LYST: variants seen among roughly 807,000 people sequenced by gnomAD.
LYST encodes the protein lysosomal-trafficking regulator.
Under a neutral mutation model 413.6 loss-of-function variants are expected in LYST, and 192 were observed. The ratio of observed to expected loss-of-function variants is 0.46; its 90% CI spans 0.41 to 0.52. LYST has a LOEUF of 0.52. Among genes scored for constraint, LYST ranks in the 20% least tolerant of loss-of-function variants. The pLI is 0.00. For synonymous variants in LYST, 1,525 were observed against 1,567.3 expected, an observed-to-expected ratio of 0.97 and a Z score of 0.64; for missense variants, 3,815 against 4,499.9, an observed-to-expected ratio of 0.85 and a Z score of 4.35.
At position 235,741,429 on chromosome 1, in the gene LYST, G is replaced by T. The variant is rs565272770; in HGVS notation, c.8351C>A (p.Ser2784Tyr). The change falls in exon 31 of 53, where the codon TCC becomes TAC. Residue 2784 changes from serine (S) to tyrosine (Y), a missense_variant. Physicochemically the swap from Ser to Tyr is moderately radical, Grantham distance 144. Transcript: ENST00000389793. Reference sequence around the variant, plus strand: ...CAAAGCTGAGATACTTACTTGTAGGGATGGGCTGAGACAGTCTCGTAGTAT... The same window carrying T: ...CAAAGCTGAGATACTTACTTGTAGGTATGGGCTGAGACAGTCTCGTAGTAT... ...QEILRDCLSP[S>Y]LQHGAKLVLY... 6.2e-7 allele frequency: 1 copy of T among 1,612,608 alleles called. No homozygotes were observed. Among genetic ancestry groups the T allele is most frequent in the South Asian group, 1.1e-5 (1 of 91,046 alleles).
At chr1:235,815,786 T>C (rs1339845113) in intron 3 of LYST, among the ~76,000 whole-genome samples, 1 of 152,070 alleles carries the variant, frequency 6.6e-6, no homozygotes, top group Non-Finnish European at 1.5e-5. Flanking sequence ...AAATCAGAGA[T>C]GACACAAACA....
chr1:235,727,550 T>A (rs74591349), intron 38 of LYST, among the ~76,000 whole-genome samples: 22 of 152,276 alleles, frequency 1.4e-4, no homozygotes, highest in African/African-American at 5.3e-4. Flanking sequence ...ATTACAGGAA[T>A]CTCAAAAAAT....
chr1:235,804,629 C>A lies in LYST; in HGVS notation c.3430G>T (p.Asp1144Tyr). 6.2e-7 allele frequency: 1 copy of A among 1,608,404 alleles called. No homozygotes were observed. The highest frequency in any genetic ancestry group is 8.5e-7 in the Non-Finnish European group (1 of 1,175,228). The change falls in exon 7 of 53, where the codon GAC (aspartate) becomes TAC (tyrosine). Residue 1144 changes from aspartate to tyrosine, a missense_variant. Asp to Tyr is a radical substitution (Grantham distance 160). Transcript: ENST00000389793. Reference sequence around the variant, plus strand: ...ATCACCTTTGACTGGGAAAGATGGTCCCTCATTTCAAATAATATACTTTCC... The same window carrying A: ...ATCACCTTTGACTGGGAAAGATGGTACCTCATTTCAAATAATATACTTTCC... ...SVESILFEMR[D>Y]HLSQSKVIET...
At chr1:235,794,827 A>AG (rs1671390840) in intron 10 of LYST, among the ~76,000 whole-genome samples, 1 of 152,178 alleles carries the variant, frequency 6.6e-6, no homozygotes, top group Admixed American at 6.5e-5. Flanking sequence ...TAATATGATC[A>AG]GTGTGTGTGC....
chr1:235,739,039 A>G (rs1665088896), intron 31 of LYST: 4 of 657,246 alleles, frequency 6.1e-6, no homozygotes, highest in Non-Finnish European at 1.2e-5. Context: ...ATAGGATTTT[A>G]GTTGGAGGTT....
chr1:235,754,752 G>A (rs1283606935), intron 25 of LYST, among the ~76,000 whole-genome samples: 2 of 152,228 alleles, frequency 1.3e-5, no homozygotes, highest in Middle Eastern at 3.4e-3. Context: ...ATTTCGTTAA[G>A]AGTGAGTTCA....
intron 30 of LYST, 152 bp downstream of exon 30, chr1:235,743,827 T>C (rs748701858): frequency 1.8e-6 from 1 of 557,026 alleles, no homozygotes; most frequent in Non-Finnish European, 3.2e-6. Flanking sequence ...ATATATATTA[T>C]TCTATAATTA....
chr1:235,850,679 T>C (rs762823279), intron 1 of LYST, among the ~76,000 whole-genome samples: 4 of 150,856 alleles, frequency 2.7e-5, no homozygotes, highest in Non-Finnish European at 5.9e-5. Context: ...AACAAATCAG[T>C]AGGAAAAAAA....
At chr1:235,796,046 A>G (rs1671527316) in intron 10 of LYST, among the ~76,000 whole-genome samples, 1 of 152,100 alleles carries the variant, frequency 6.6e-6, no homozygotes, top group Non-Finnish European at 1.5e-5. Flanking sequence ...AAATGTCTCA[A>G]AATGTAGCAC....
chr1:235,866,108 A>C (rs1680470993), intron 1 of LYST, among the ~76,000 whole-genome samples: 1 of 152,198 alleles, frequency 6.6e-6, no homozygotes, highest in African/African-American at 2.4e-5. Context: ...ACCATTAAAC[A>C]ACCCCTTCGT....
intron 48 of LYST, among the ~76,000 whole-genome samples, chr1:235,685,586 C>T (rs979288817): frequency 1.3e-5 from 2 of 152,146 alleles, no homozygotes; most frequent in Non-Finnish European, 2.9e-5. Context: ...GTGGCTCACA[C>T]TTGTAATCCC....
chr1:235,731,539 T>C (rs1664374130), intron 34 of LYST, among the ~76,000 whole-genome samples: 1 of 151,698 alleles, frequency 6.6e-6, no homozygotes, highest in South Asian at 2.1e-4. Context: ...ATTAATTTTT[T>C]ACATTTCCCA....
chr1:235,858,790 A>G (rs565522578), intron 1 of LYST, among the ~76,000 whole-genome samples: 1 of 151,858 alleles, frequency 6.6e-6, no homozygotes, highest in South Asian at 2.1e-4. Flanking sequence ...TGTTTTCTGC[A>G]TTGTTATGGG....
upstream of LYST, among the ~76,000 whole-genome samples, chr1:235,871,194 T>G (rs1680908008): frequency 6.6e-6 from 1 of 152,242 alleles, no homozygotes; most frequent in South Asian, 2.1e-4. Context: ...ATCCATTTCA[T>G]TTTGCAAAAG....
Position 235,809,861 on chromosome 1 carries a change from C to A in LYST, c.957G>T (p.Pro319=). 1 of 1,613,944 alleles carries A rather than the reference C, an allele frequency of 6.2e-7. No homozygotes were observed. Among genetic ancestry groups the A allele is most frequent in the African/African-American group, 1.3e-5 (1 of 75,038 alleles). Residue 319 remains proline, a synonymous_variant, in exon 5 of 53, where the codon CCG becomes CCT. Coordinates refer to ENST00000389793, the MANE Select transcript of LYST (RefSeq NM_000081.4). The surrounding 1 kb of genome is among the most constrained non-coding windows in gnomAD (Gnocchi z 4.0). ...AGAGCATCCTTTGAATCAAAGCCAC[C>A]GGTTCTTCGGTCCAACCTGCAGAAA... ...RVVSAGWTEE[P]VALIQRMLFR... is the part of the protein sequence containing the mutation.
At chr1:235,814,985 C>G (rs1273407300) in intron 3 of LYST, among the ~76,000 whole-genome samples, 1 of 152,166 alleles carries the variant, frequency 6.6e-6, no homozygotes, top group Non-Finnish European at 1.5e-5. Context: ...TTCTGCAATT[C>G]TCCATCCCCA....
intron 48 of LYST, among the ~76,000 whole-genome samples, chr1:235,680,619 A>T (rs1316858280): frequency 6.8e-6 from 1 of 147,110 alleles, no homozygotes; most frequent in East Asian, 2.0e-4. Flanking sequence ...TTTTTTTGAG[A>T]TGAAGTCTTG....
At chr1:235,710,542 C>T (rs746850774) in intron 43 of LYST, among the ~76,000 whole-genome samples, 10 of 152,064 alleles carry the variant, frequency 6.6e-5, no homozygotes, top group Non-Finnish European at 1.3e-4. Flanking sequence ...TACGAGAGTC[C>T]CAGGGGAACA....
intron 19 of LYST, among the ~76,000 whole-genome samples, chr1:235,771,962 G>A (rs1668748544): frequency 1.7e-5 from 2 of 116,550 alleles, no homozygotes; most frequent in Non-Finnish European, 3.3e-5. Flanking sequence ...GGGGGCTCAC[G>A]CCTGTATCCC....
Sources: allele counts gnomAD v4.1 joint callset (sites outside exome capture counted in the v4.1 genomes callset), GRCh38; gene constraint gnomAD v4.1.1; non-coding constraint Gnocchi (gnomAD v3.1); transcripts MANE v1.5; gene names NCBI Gene and HGNC (gene_info 2026-07-23, HGNC 2026-07-21).